The following SLC24A2 variants were observed in gnomAD, a reference collection of about 807,000 sequenced individuals.
SLC24A2 encodes the protein solute carrier family 24 member 2, also known as sodium/potassium/calcium exchanger 2.
In SLC24A2, 36 loss-of-function variants were observed where a neutral mutation model predicts 62.0. The observed-to-expected ratio is 0.58, with a 90% CI of 0.44 to 0.77. The LOEUF (loss-of-function observed/expected upper bound fraction) is 0.77, where lower values mean the gene tolerates loss of function less well. Among genes scored for constraint, SLC24A2 ranks in the 30% least tolerant of loss-of-function variants. The probability of loss-of-function intolerance (pLI) is 0.00; values close to 1 mark genes in which losing one functional copy is unlikely to be tolerated. For missense variants in SLC24A2, 846 were observed against 817.9 expected (o/e 1.03, Z -0.42); for synonymous variants, 358 against 294.0 (o/e 1.22, Z -2.23).
At chr9:19,821,518 GCT>G in the SLC24A2 span, among the ~76,000 whole-genome samples, 1 of 152,208 alleles carries the variant, frequency 6.6e-6, no homozygotes, top group South Asian at 2.1e-4. Context: ...CACTCAGAAT[GCT>G]CTGTTTGATA....
chr9:19,545,027 A>G (rs952715481), intron 8 of SLC24A2, among the ~76,000 whole-genome samples: 1 of 152,074 alleles, frequency 6.6e-6, no homozygotes, highest in Non-Finnish European at 1.5e-5. Flanking sequence ...GTGTTTTCCA[A>G]CTTGGTTCCA....
the SLC24A2 span, among the ~76,000 whole-genome samples, chr9:20,102,304 G>C: frequency 6.7e-6 from 1 of 149,708 alleles, no homozygotes; most frequent in African/African-American, 2.5e-5. Flanking sequence ...AGAATACTAT[G>C]CAGCCATAAA....
chr9:19,790,235 A>T (rs1019458193), upstream of SLC24A2, among the ~76,000 whole-genome samples: 9 of 152,120 alleles, frequency 5.9e-5, no homozygotes, highest in African/African-American at 1.9e-4. Flanking sequence ...GAATTTTTTT[A>T]TCTTTAACTT....
chr9:20,083,905 T>A, the SLC24A2 span, among the ~76,000 whole-genome samples: 2 of 152,206 alleles, frequency 1.3e-5, no homozygotes, highest in Admixed American at 1.3e-4. Flanking sequence ...TTTCCTCTAG[T>A]TCGATGTCGC....
the SLC24A2 span, among the ~76,000 whole-genome samples, chr9:20,109,419 C>T: frequency 6.6e-6 from 1 of 152,180 alleles, no homozygotes; most frequent in African/African-American, 2.4e-5. Flanking sequence ...AAGAGTGGTT[C>T]ATTGTGCCTA....
the SLC24A2 span, among the ~76,000 whole-genome samples, chr9:19,968,657 A>G: frequency 3.9e-5 from 6 of 152,190 alleles, no homozygotes; most frequent in Non-Finnish European, 8.8e-5. Flanking sequence ...AGAGAAGTTA[A>G]GGACTTCACC....
chr9:19,533,882 G>A (rs1381811965), intron 8 of SLC24A2, among the ~76,000 whole-genome samples: 31 of 152,180 alleles, frequency 2.0e-4, no homozygotes, highest in Admixed American at 2.0e-3. Context: ...CAACTGGCAT[G>A]GTTTCTTTCA....
At chr9:19,688,313 AT>A (rs1402656478) in intron 2 of SLC24A2, among the ~76,000 whole-genome samples, 2 of 152,070 alleles carry the variant, frequency 1.3e-5, no homozygotes, top group African/African-American at 2.4e-5. Context: ...AGTTTCTTTG[AT>A]TGCAAAATGA....
At chr9:20,188,106 G>C in the SLC24A2 span, among the ~76,000 whole-genome samples, 1 of 116,492 alleles carries the variant, frequency 8.6e-6, no homozygotes, top group Middle Eastern at 4.1e-3. Flanking sequence ...CCTGTCAGAA[G>C]AGGATTAGAG....
At chr9:20,171,150 T>C in the SLC24A2 span, among the ~76,000 whole-genome samples, 3 of 152,004 alleles carry the variant, frequency 2.0e-5, no homozygotes, top group Admixed American at 6.6e-5. Flanking sequence ...ATATACTCTT[T>C]TTCAGACAAA....
intron 9 of SLC24A2, among the ~76,000 whole-genome samples, chr9:19,523,328 G>A (rs1207295488): frequency 6.6e-6 from 1 of 152,128 alleles, no homozygotes; most frequent in Admixed American, 6.5e-5. Flanking sequence ...ACTTCCCTGA[G>A]TCTCAGTCTT....
At chr9:20,225,744 T>A in the SLC24A2 span, among the ~76,000 whole-genome samples, 1 of 150,678 alleles carries the variant, frequency 6.6e-6, no homozygotes, top group Non-Finnish European at 1.5e-5. Flanking sequence ...TTGATCTTTA[T>A]TCCAAAGATA....
At chr9:19,542,650 G>T (rs936497654) in intron 8 of SLC24A2, among the ~76,000 whole-genome samples, 5 of 152,204 alleles carry the variant, frequency 3.3e-5, no homozygotes, top group Admixed American at 1.3e-4. Flanking sequence ...GATGAAGGGT[G>T]TTGAATTTTT....
At chr9:20,215,023 T>C in the SLC24A2 span, among the ~76,000 whole-genome samples, 2 of 152,226 alleles carry the variant, frequency 1.3e-5, no homozygotes, top group Admixed American at 1.3e-4. Flanking sequence ...TATAACAAAA[T>C]ACCATAGACT....
intron 2 of SLC24A2, among the ~76,000 whole-genome samples, chr9:19,776,593 A>G (rs564599731): frequency 2.0e-5 from 3 of 152,206 alleles, no homozygotes; most frequent in African/African-American, 7.2e-5. Context: ...ACTTTATATG[A>G]CTTTTTCCCA....
At chr9:20,270,050 C>T in the SLC24A2 span, among the ~76,000 whole-genome samples, 1 of 152,108 alleles carries the variant, frequency 6.6e-6, no homozygotes, top group Non-Finnish European at 1.5e-5. Context: ...AGAGGGAAGA[C>T]TGGAGGGGCA....
chr9:19,772,152 G>C (rs904581800), intron 2 of SLC24A2, among the ~76,000 whole-genome samples: 26 of 152,172 alleles, frequency 1.7e-4, no homozygotes, highest in African/African-American at 6.3e-4. Context: ...GCAGCAACCA[G>C]ATGACAGGCA....
chr9:20,307,805 G>A, the SLC24A2 span, among the ~76,000 whole-genome samples: 2 of 152,098 alleles, frequency 1.3e-5, 1 homozygote, highest in South Asian at 4.1e-4. Flanking sequence ...GAAGGTGCTG[G>A]GATAACATCC....
chr9:20,067,849 C>G, the SLC24A2 span, among the ~76,000 whole-genome samples: 82,030 of 151,878 alleles, frequency 0.54, 23,526 homozygotes, highest in East Asian at 0.77. Context: ...ATGAATATAT[C>G]AGCATATGTG....
Sources: allele counts gnomAD v4.1 joint callset (sites outside exome capture counted in the v4.1 genomes callset), GRCh38; gene constraint gnomAD v4.1.1; transcripts MANE v1.5; gene names NCBI Gene and HGNC (gene_info 2026-07-23, HGNC 2026-07-21).